ZNF565: variants seen among roughly 807,000 people sequenced by gnomAD.
ZNF565 encodes the protein zinc finger protein 565.
In ZNF565, 27 loss-of-function variants were observed where a neutral mutation model predicts 39.4. That is an observed-to-expected ratio of 0.69 (90% CI 0.51 to 0.95). The LOEUF is 0.95. Among genes scored for constraint, ZNF565 ranks in the 40% least tolerant of loss-of-function variants. The probability of loss-of-function intolerance (pLI) is 0.00; values close to 1 mark genes in which losing one functional copy is unlikely to be tolerated. For missense variants in ZNF565, 524 were observed against 621.1 expected, an observed-to-expected ratio of 0.84 and a Z score of 1.66; for synonymous variants, 185 against 216.6, an observed-to-expected ratio of 0.85 and a Z score of 1.28.
intron 1 of ZNF565, among the ~76,000 whole-genome samples, chr19:36,211,449 T>TCACACACACACACA (rs370230430): frequency 7.9e-4 from 109 of 137,772 alleles, no homozygotes; most frequent in African/African-American, 2.5e-3. Context: ...CAACTCTCTC[T>TCACACACACACACA]CACACACACA....
chr19:36,238,119 AT>A, intron 1 of ZNF565: 1 of 167,238 alleles, frequency 6.0e-6, no homozygotes, highest in East Asian at 1.9e-4. Flanking sequence ...AATATGGGAA[AT>A]TCTTATGTAA....
At chr19:36,204,133 AC>A (rs1599936670) in intron 1 of ZNF565, among the ~76,000 whole-genome samples, 1 of 151,442 alleles carries the variant, frequency 6.6e-6, no homozygotes, top group Non-Finnish European at 1.5e-5. Flanking sequence ...CATTTTTGGT[AC>A]AGATTGGGTT....
At chr19:36,205,093 G>A (rs78021997) in intron 1 of ZNF565, among the ~76,000 whole-genome samples, 1 of 152,162 alleles carries the variant, frequency 6.6e-6, no homozygotes, top group African/African-American at 2.4e-5. Context: ...ACAGTGTCTG[G>A]AGGACATAGG....
At chr19:36,228,813 T>C (rs1296264062) in intron 1 of ZNF565, 1 of 152,256 alleles carries the variant, frequency 6.6e-6, no homozygotes, top group African/African-American at 2.4e-5. Context: ...GGGAAGGATC[T>C]GCGCGGGTGA....
intron 1 of ZNF565, among the ~76,000 whole-genome samples, chr19:36,211,516 G>A (rs1021604893): frequency 2.7e-5 from 4 of 148,354 alleles, no homozygotes; most frequent in African/African-American, 5.0e-5. Context: ...AGAAGTGGCC[G>A]GGCGCGGTGG....
rs561457762 is a variant in ZNF565 at position 36,188,722 on chromosome 19, A to C, written c.233-4989T>G. Among the ~76,000 whole-genome samples the C allele has an allele frequency of 4.7e-3, 719 of 152,024 alleles. 15 individuals carry two copies. The highest frequency in any genetic ancestry group is 3.5e-3 in the Non-Finnish European group (236 of 67,952). On this transcript the variant is annotated intron_variant, in intron 4 of 4. Transcript: ENST00000304116. ...GTGAGACTCCGTCTCAAAAAAAAAA[A>C]AAAACAAAACAACAACAACAACAAA...
intron 2 of ZNF565, among the ~76,000 whole-genome samples, chr19:36,198,686 G>C (rs1375853421): frequency 6.6e-6 from 1 of 151,590 alleles, no homozygotes; most frequent in African/African-American, 2.4e-5. Flanking sequence ...TGCAACCTCT[G>C]CTCTGGGATT....
intron 1 of ZNF565, among the ~76,000 whole-genome samples, chr19:36,234,103 C>A (rs1285607265): frequency 1.3e-5 from 2 of 152,160 alleles, no homozygotes; most frequent in Non-Finnish European, 2.9e-5. Flanking sequence ...GAGCATGCTG[C>A]CTTCAAGCAT....
chr19:36,196,250 T>A (rs182860395), intron 2 of ZNF565, among the ~76,000 whole-genome samples: 171 of 152,198 alleles, frequency 1.1e-3, no homozygotes, highest in Admixed American at 1.9e-3. Flanking sequence ...TTTTAATATT[T>A]TGTTTGGTAG....
chr19:36,189,460 A>G (rs796922826), intron 4 of ZNF565, among the ~76,000 whole-genome samples: 2 of 151,096 alleles, frequency 1.3e-5, no homozygotes, highest in African/African-American at 4.8e-5. Flanking sequence ...GATTACAGGC[A>G]TGTGCCACCA....
At chr19:36,186,259 A>C (rs1363580176) in intron 4 of ZNF565, among the ~76,000 whole-genome samples, 1 of 152,176 alleles carries the variant, frequency 6.6e-6, no homozygotes, top group African/African-American at 2.4e-5. Context: ...TTGGCTTCTA[A>C]AAGTATTGGG....
upstream of ZNF565, among the ~76,000 whole-genome samples, chr19:36,218,482 T>TC (rs974144940): frequency 5.2e-4 from 79 of 152,110 alleles, 1 homozygote; most frequent in Non-Finnish European, 1.3e-4. Flanking sequence ...TTTCTTTTTT[T>TC]TTTTTGATGG....
chr19:36,216,789 G>A (rs1044090050), upstream of ZNF565, among the ~76,000 whole-genome samples: 30 of 151,146 alleles, frequency 2.0e-4, no homozygotes, highest in African/African-American at 5.6e-4. Context: ...AAGAAAAGGC[G>A]TTGAGGTGTG....
At chr19:36,208,687 G>A (rs1032569110) in intron 1 of ZNF565, among the ~76,000 whole-genome samples, 2 of 152,130 alleles carry the variant, frequency 1.3e-5, no homozygotes, top group Non-Finnish European at 2.9e-5. Context: ...CACATCACAA[G>A]GGCCTAGGCT....
intron 2 of ZNF565, among the ~76,000 whole-genome samples, chr19:36,199,361 CAG>C (rs770807396): frequency 1.1e-4 from 16 of 152,128 alleles, no homozygotes; most frequent in Admixed American, 1.3e-4. Flanking sequence ...TCTCACAAAA[CAG>C]ATGTTACCAC....
Position 36,201,309 on chromosome 19 carries a change from G to A in ZNF565, c.9+668C>T, listed in dbSNP as rs144761143. Among the ~76,000 whole-genome samples, 403 of 151,970 alleles carry A rather than the reference G, an allele frequency of 2.7e-3. 3 individuals carry two copies. The highest frequency in any genetic ancestry group is 9.0e-3 in the African/African-American group (372 of 41,432). Reference sequence around the variant, plus strand: ...AGAGCGAGACCCTGTCTCAAAAAACGAAACAAAACAAAAACACAGAAGAAA... The same window carrying A: ...AGAGCGAGACCCTGTCTCAAAAAACAAAACAAAACAAAAACACAGAAGAAA... On this transcript the variant is annotated intron_variant, in intron 2 of 4. Transcript: ENST00000304116.
intron 1 of ZNF565, among the ~76,000 whole-genome samples, chr19:36,211,610 G>C (rs1187964656): frequency 6.6e-6 from 1 of 151,686 alleles, no homozygotes; most frequent in African/African-American, 2.4e-5. Flanking sequence ...TGGCTAACAC[G>C]GTGAAACCCC....
chr19:36,198,964 A>G (rs1459109073), intron 2 of ZNF565, among the ~76,000 whole-genome samples: 1 of 152,202 alleles, frequency 6.6e-6, no homozygotes. Flanking sequence ...TAAATGCTTG[A>G]GGGGTTGGAT....
At position 36,194,349 on chromosome 19, in the gene ZNF565, G is replaced by A. The variant is rs777141255; in HGVS notation, c.137-21C>T. 20 of 1,588,440 alleles carry A rather than the reference G, an allele frequency of 1.3e-5. No individual in the cohort carries two copies. The South Asian group carries it at 2.2e-4, about 17-fold the overall frequency. On this transcript the variant is annotated intron_variant, in intron 3 of 4. Transcript: ENST00000304116. ...GAGTCCTGTTTACAGGAAAAGAAAT[G>A]GGGTGTGATCAGACCGCTCCAAAAT...
Sources: allele counts gnomAD v4.1 joint callset (sites outside exome capture counted in the v4.1 genomes callset), GRCh38; gene constraint gnomAD v4.1.1; transcripts MANE v1.5; gene names NCBI Gene and HGNC (gene_info 2026-07-23, HGNC 2026-07-21).